Variants in PGM2 observed in about 807,000 individuals in gnomAD.
PGM2 encodes the protein phosphopentomutase.
A neutral mutation model predicts 74.6 loss-of-function variants in PGM2; 57 were observed. That is an observed-to-expected ratio of 0.76 (90% CI 0.62 to 0.95). The LOEUF is 0.95. PGM2 is among the 40% of genes least tolerant of loss of function. PGM2 has a pLI of 0.00. For synonymous variants in PGM2, 273 were observed against 260.7 expected, an observed-to-expected ratio of 1.05 and a Z score of -0.46; for missense variants, 706 against 741.9, an observed-to-expected ratio of 0.95 and a Z score of 0.56.
At chr4:37,846,206 T>C (rs6856949) in intron 8 of PGM2, among the ~76,000 whole-genome samples, 10,508 of 152,142 alleles carry the variant, frequency 0.069, 667 homozygotes, top group East Asian at 0.18. Flanking sequence ...CCAGAGAGTT[T>C]GTACAAAGGA....
Position 37,844,540 on chromosome 4 carries a change from G to T in PGM2, c.896G>T (p.Gly299Val). 2.5e-6 allele frequency: 4 copies of T among 1,606,310 alleles called. No homozygotes were observed. The highest frequency in any genetic ancestry group is 3.4e-6 in the Non-Finnish European group (4 of 1,176,216). ...PTVKYPNPEE[G>V]KGVLTLSFAL... ...GTGAAATACCCGAATCCCGAAGAGG[G>T]GAAAGGTGTCTTGGTAACCTAATTT... Residue 299 changes from glycine to valine, a missense_variant, in exon 7 of 14, where the codon GGG (glycine) becomes GTG (valine). Physicochemically the swap from Gly to Val is moderately radical, Grantham distance 109 (BLOSUM62 -3). Transcript: ENST00000381967.
chr4:37,857,574 A>G (rs1711569895), intron 13 of PGM2, among the ~76,000 whole-genome samples: 1 of 152,218 alleles, frequency 6.6e-6, no homozygotes, highest in Non-Finnish European at 1.5e-5. Context: ...TGAGGGAAAT[A>G]GCATTCTACA....
rs542089596 is a variant in PGM2, at chr4:37,829,207, A to G, written c.82-757A>G. On this transcript the variant is annotated intron_variant, in intron 1 of 13. Transcript: ENST00000381967. ...ATACAAAAAAAAAATAGGGCAATGT[A>G]TAATGAACTTAAATGAATCATGTTA... Among the ~76,000 whole-genome samples, 5 of 152,322 alleles carry G rather than the reference A, an allele frequency of 3.3e-5. No individual in the cohort carries two copies. In the South Asian group the frequency reaches 1.0e-3, roughly 32 times the overall value.
intron 12 of PGM2, 50 bp from the exon 13 acceptor site, chr4:37,855,558 T>C: frequency 6.6e-7 from 1 of 1,518,280 alleles, no homozygotes; most frequent in Non-Finnish European, 8.9e-7. Context: ...AGATATTGGT[T>C]AGGCCAGAAT....
At chr4:37,848,461 A>C in intron 10 of PGM2, 61 bp from the exon 11 acceptor site, 2 of 1,441,516 alleles carry the variant, frequency 1.4e-6, no homozygotes, top group South Asian at 2.5e-5. Flanking sequence ...GCCAGGATTC[A>C]TACTCATATG....
At chr4:37,837,973 C>T (rs561544599) in intron 4 of PGM2, among the ~76,000 whole-genome samples, 1 of 152,148 alleles carries the variant, frequency 6.6e-6, no homozygotes, top group African/African-American at 2.4e-5. Context: ...CTCCGTGTCC[C>T]GGGTTCAAGC....
At chr4:37,826,920 A>C in intron 1 of PGM2, 107 bp downstream of exon 1, 2 of 665,344 alleles carry the variant, frequency 3.0e-6, no homozygotes, top group Non-Finnish European at 5.0e-6. Context: ...CGCCCAGTGC[A>C]TCCCGCTTCT....
At position 37,847,023 on chromosome 4, in the gene PGM2, G is replaced by T; in HGVS notation, c.1100G>T (p.Ser367Ile). ...TGGAAAGAGAAGAACCAGGATCGCA[G>T]TGCTCTCAAAGACACGTACATGTTG... is the stretch of plus-strand genomic sequence containing the variant. Reference protein sequence around the residue: ...TSWKEKNQDRSALKDTYMLSS... With the variant: ...TSWKEKNQDRIALKDTYMLSS... Residue 367 changes from serine to isoleucine, a missense_variant, in exon 9 of 14, where the codon AGT (serine) becomes ATT (isoleucine). Coordinates refer to ENST00000381967, the MANE Select transcript of PGM2 (RefSeq NM_018290.4). 1 of 1,613,658 alleles carries T rather than the reference G, an allele frequency of 6.2e-7. No homozygotes were observed. The highest frequency in any genetic ancestry group is 1.1e-5 in the South Asian group (1 of 91,080).
chr4:37,840,174 A>G lies in PGM2; in HGVS notation c.634A>G (p.Ile212Val). The change falls in exon 6 of 14, where the codon ATT becomes GTT. Residue 212 changes from isoleucine to valine, a missense_variant. Physicochemically the swap from Ile to Val is conservative, Grantham distance 29. This residue lies in a region of PGM2 where 332 missense variants were observed against 334.9 expected (regional missense o/e 0.99). Transcript: ENST00000381967. ...PWPQAWDDSL[I>V]DSSPLLHNPS... is the part of the protein sequence containing the mutation. ...GCCTCAAGCTTGGGACGATTCTTTA[A>G]TTGATAGCAGTCCACTTCTCCACAA... 2.5e-6 allele frequency: 4 copies of G among 1,612,964 alleles called. No individual in the cohort carries two copies. Among genetic ancestry groups the G allele is most frequent in the East Asian group, 4.5e-5 (2 of 44,876 alleles).
At chr4:37,858,372 TG>T (rs1254007116) in intron 13 of PGM2, among the ~76,000 whole-genome samples, 3 of 152,010 alleles carry the variant, frequency 2.0e-5, no homozygotes, top group Non-Finnish European at 4.4e-5. Context: ...CATCTCTCTC[TG>T]TTGCCCAGGC....
intron 13 of PGM2, 27 bp downstream of exon 13, chr4:37,855,768 A>T (rs1009658172): frequency 6.4e-7 from 1 of 1,571,864 alleles, no homozygotes; most frequent in Non-Finnish European, 8.6e-7. Flanking sequence ...AGCTGGTGTG[A>T]TTTTTACTCC....
At position 37,843,640 on chromosome 4, in the gene PGM2, G is replaced by C. The variant is rs559279141; in HGVS notation, c.720-724G>C. 4.2e-4 allele frequency among the ~76,000 whole-genome samples: 62 copies of C among 148,522 alleles called. 1 individual carries two copies. In the South Asian group the frequency reaches 0.012, roughly 30 times the overall value. ...TTTTTTTTTCCTGAGACGGAGTTTC[G>C]CTCTTGTTGCCCAGGTTGGAATGCA... On this transcript the variant is annotated intron_variant, in intron 6 of 13. Coordinates refer to ENST00000381967, the MANE Select transcript of PGM2 (RefSeq NM_018290.4).
chr4:37,856,182 G>A (rs1033730832), intron 13 of PGM2, among the ~76,000 whole-genome samples: 6 of 151,906 alleles, frequency 3.9e-5, no homozygotes, highest in African/African-American at 1.2e-4. Context: ...TCAGGAGATT[G>A]AGACCATCCT....
chr4:37,830,968 C>A (rs1006866754), intron 2 of PGM2, among the ~76,000 whole-genome samples: 4 of 151,988 alleles, frequency 2.6e-5, no homozygotes, highest in African/African-American at 9.6e-5. Flanking sequence ...CTGAGCCAGG[C>A]AGATCACTTG....
rs926195535 is a variant in PGM2, at chr4:37,845,741, T to C, written c.1007+11T>C. The C allele has an allele frequency of 6.7e-7, 1 of 1,498,286 alleles. No homozygotes were observed. Among genetic ancestry groups the C allele is most frequent in the Non-Finnish European group, 9.3e-7 (1 of 1,074,176 alleles). 92.8% of individuals were successfully genotyped at this position (1,498,286 alleles called of 1,614,324 possible). A position where few individuals can be genotyped will look rare whatever the true frequency, so the allele number is the denominator to read the frequency against. Reference sequence around the variant, plus strand: ...AGAAAAGCAAGACAGGTAAAATTAATTGTGATTACCTATATTATAGAACAT... The same window carrying C: ...AGAAAAGCAAGACAGGTAAAATTAACTGTGATTACCTATATTATAGAACAT... On this transcript the variant is annotated intron_variant, in intron 8 of 13. Transcript: ENST00000381967.
rs373785173 is a variant in PGM2, at chr4:37,847,057, C to T, written c.1134C>T (p.Thr378=). Residue 378 remains threonine (T), a synonymous_variant, in exon 9 of 14, where the codon ACC becomes ACT. Transcript: ENST00000381967. ...AAGACACGTACATGTTGTCCAGCAC[C>T]GTCTCCTCCAAAATCTTGCGGGCCA... ...ALKDTYMLSS[T]VSSKILRAIA... is the part of the protein sequence containing the mutation. 39 of 1,613,698 alleles carry T rather than the reference C, an allele frequency of 2.4e-5. No homozygotes were observed. In the African/African-American group the frequency reaches 2.8e-4, roughly 12 times the overall value.
At chr4:37,858,860 A>T (rs148100679) in intron 13 of PGM2, among the ~76,000 whole-genome samples, 200 of 152,282 alleles carry the variant, frequency 1.3e-3, no homozygotes, top group African/African-American at 4.5e-3. Flanking sequence ...TATTTTGAAC[A>T]GTTTCAAACC....
chr4:37,827,197 G>A (rs1264911173), intron 1 of PGM2, among the ~76,000 whole-genome samples: 1 of 152,202 alleles, frequency 6.6e-6, no homozygotes, highest in African/African-American at 2.4e-5. Context: ...CATCCCCATG[G>A]ACCCAGAATC....
chr4:37,857,881 T>C (rs1295666453), intron 13 of PGM2, among the ~76,000 whole-genome samples: 2 of 152,216 alleles, frequency 1.3e-5, no homozygotes, highest in East Asian at 3.8e-4. Context: ...ATATTGCATA[T>C]AGTTTTTTGT....
Sources: gnomAD v4.1 joint callset for allele counts (sites outside exome capture counted in the v4.1 genomes callset) on GRCh38, gnomAD v4.1.1 for gene constraint, gnomAD v4.1.1 regional missense constraint, MANE v1.5 for transcripts, NCBI Gene and HGNC (gene_info 2026-07-23, HGNC 2026-07-21) for gene names.